The following USH2A variants were observed in gnomAD, a reference collection of about 807,000 sequenced individuals.
USH2A encodes the protein usherin.
Under a neutral mutation model 538.9 loss-of-function variants are expected in USH2A, and 443 were observed. That is an observed-to-expected ratio of 0.82 (90% CI 0.76 to 0.89). The LOEUF is 0.89. Ranked by LOEUF, USH2A falls within the 40% of genes least tolerant of loss-of-function variation. USH2A has a pLI of 0.00. For synonymous variants in USH2A, 2,413 were observed against 2,273.5 expected, an observed-to-expected ratio of 1.06 and a Z score of -1.75; for missense variants, 6,633 against 6,324.8, an observed-to-expected ratio of 1.05 and a Z score of -1.65.
At chr1:215,912,507 ATATACGTG>A (rs1424632098) in intron 38 of USH2A, among the ~76,000 whole-genome samples, 6 of 21,028 alleles carry the variant, frequency 2.9e-4, no homozygotes, top group African/African-American at 9.7e-4. Context: ...ATATATATAT[ATATACGTG>A]TATATATATA....
chr1:216,073,324 A>G (rs767934851), intron 27 of USH2A, 24 bp from the exon 28 acceptor site: 5 of 1,530,822 alleles, frequency 3.3e-6, no homozygotes, highest in South Asian at 2.3e-5. Flanking sequence ...AGGGATTAGT[A>G]TCGCATAAAG....
intron 40 of USH2A, among the ~76,000 whole-genome samples, chr1:215,899,021 C>T (rs967904052): frequency 2.0e-5 from 3 of 152,034 alleles, no homozygotes; most frequent in Non-Finnish European, 4.4e-5. Flanking sequence ...TACATTATTG[C>T]TCATAAAGGT....
intron 21 of USH2A, among the ~76,000 whole-genome samples, chr1:216,106,505 G>A (rs1409477621): frequency 6.6e-6 from 1 of 150,738 alleles, no homozygotes; most frequent in African/African-American, 2.4e-5. Context: ...AAATCATATC[G>A]ATAGATTTTT....
chr1:215,772,025 A>C (rs1363860822), intron 55 of USH2A, among the ~76,000 whole-genome samples: 1 of 152,234 alleles, frequency 6.6e-6, no homozygotes, highest in East Asian at 1.9e-4. Context: ...TCAGGCATAG[A>C]TGATTTACAT....
chr1:215,866,941 A>C (rs972578380), intron 44 of USH2A, 66 bp downstream of exon 44: 10 of 1,607,406 alleles, frequency 6.2e-6, no homozygotes, highest in Non-Finnish European at 7.7e-6. Flanking sequence ...GGAGGTTCAT[A>C]GTAAAGAAAG....
At chr1:216,229,198 C>T (rs1466120310) in intron 14 of USH2A, among the ~76,000 whole-genome samples, 1 of 151,886 alleles carries the variant, frequency 6.6e-6, no homozygotes, top group Non-Finnish European at 1.5e-5. Flanking sequence ...CACACTTAAT[C>T]TGAATCATTC....
intron 41 of USH2A, among the ~76,000 whole-genome samples, chr1:215,880,520 A>G (rs1158311524): frequency 6.6e-6 from 1 of 152,206 alleles, no homozygotes; most frequent in Non-Finnish European, 1.5e-5. Context: ...CCTTATAAAC[A>G]TAGAGGATTT....
intron 21 of USH2A, among the ~76,000 whole-genome samples, chr1:216,129,930 CA>C (rs1282378136): frequency 6.6e-6 from 1 of 151,974 alleles, no homozygotes; most frequent in African/African-American, 2.4e-5. Flanking sequence ...GCAGTTTTGA[CA>C]AAAGTGTGAA....
intron 3 of USH2A, among the ~76,000 whole-genome samples, chr1:216,385,229 T>G (rs534896068): frequency 6.6e-6 from 1 of 152,090 alleles, no homozygotes; most frequent in South Asian, 2.1e-4. Flanking sequence ...AGCAATGAGG[T>G]GCATGAGGAG....
At chr1:215,941,823 C>T (rs945027890) in intron 37 of USH2A, among the ~76,000 whole-genome samples, 2 of 152,198 alleles carry the variant, frequency 1.3e-5, no homozygotes, top group Middle Eastern at 3.4e-3. Flanking sequence ...AGAAGAGCAA[C>T]GACTTGGGGG....
chr1:215,984,077 CA>C (rs1160978942), intron 35 of USH2A, among the ~76,000 whole-genome samples: 1 of 152,168 alleles, frequency 6.6e-6, no homozygotes, highest in Admixed American at 6.5e-5. Context: ...TGCCCATGGA[CA>C]AACCAACAGG....
chr1:216,214,476 T>C (rs1055806765), intron 15 of USH2A, among the ~76,000 whole-genome samples: 2 of 152,020 alleles, frequency 1.3e-5, no homozygotes, highest in Non-Finnish European at 2.9e-5. Context: ...ATTTCATTTA[T>C]ATAAAACTCA....
intron 35 of USH2A, among the ~76,000 whole-genome samples, chr1:215,982,747 A>C (rs768023645): frequency 2.0e-5 from 3 of 152,190 alleles, no homozygotes; most frequent in Non-Finnish European, 4.4e-5. Context: ...CAGAACAGTC[A>C]TGGTTACTTC....
intron 3 of USH2A, among the ~76,000 whole-genome samples, chr1:216,417,679 T>C (rs2039600152): frequency 6.6e-6 from 1 of 152,080 alleles, no homozygotes; most frequent in Non-Finnish European, 1.5e-5. Context: ...TCTGCTGCCG[T>C]GATTGTAAGT....
At chr1:216,204,926 T>C (rs535986743) in intron 16 of USH2A, among the ~76,000 whole-genome samples, 2 of 152,318 alleles carry the variant, frequency 1.3e-5, no homozygotes, top group South Asian at 4.1e-4. Flanking sequence ...TAGGAAATGA[T>C]ACCTTGTTTA....
At chr1:216,139,425 GA>G (rs567682792) in intron 21 of USH2A, among the ~76,000 whole-genome samples, 2,325 of 129,050 alleles carry the variant, frequency 0.018, 64 homozygotes, top group African/African-American at 0.06. Context: ...GAAAAAAAAA[GA>G]AAAAAAAAAA....
intron 36 of USH2A, among the ~76,000 whole-genome samples, 180 bp from the exon 37 acceptor site, chr1:215,965,659 T>C (rs1247909419): frequency 1.3e-5 from 2 of 152,138 alleles, no homozygotes; most frequent in African/African-American, 2.4e-5. Flanking sequence ...TTCTTCCCCC[T>C]GCTGTTAAAG....
chr1:216,287,678 G>A (rs2036913403), intron 11 of USH2A, among the ~76,000 whole-genome samples: 1 of 152,020 alleles, frequency 6.6e-6, no homozygotes, highest in Admixed American at 6.6e-5. Context: ...TGGTGAAATG[G>A]AGAGACAAAT....
rs377234872 is a variant in USH2A at position 216,397,524 on chromosome 1, T to C, written c.651+20990A>G. ...CAATCAGCTGCAGGTGTGTCTACAGTAAAGCAGACAGAAGAAGGGGGATAT... is the reference window on the plus strand; with the variant it reads ...CAATCAGCTGCAGGTGTGTCTACAGCAAAGCAGACAGAAGAAGGGGGATAT... On this transcript the variant is annotated intron_variant, in intron 3 of 71. Coordinates refer to ENST00000307340, the MANE Select transcript of USH2A (RefSeq NM_206933.4). 1.0e-3 allele frequency among the ~76,000 whole-genome samples: 156 copies of C among 152,338 alleles called. 1 individual carries two copies. Among genetic ancestry groups the C allele is most frequent in the African/African-American group, 3.6e-3 (149 of 41,580 alleles).
Sources: gnomAD v4.1 joint callset for allele counts (sites outside exome capture counted in the v4.1 genomes callset) on GRCh38, gnomAD v4.1.1 for gene constraint, MANE v1.5 for transcripts, NCBI Gene and HGNC (gene_info 2026-07-23, HGNC 2026-07-21) for gene names.